The following CSMD1 variants were observed in gnomAD, a reference collection of about 807,000 sequenced individuals.
CSMD1 encodes CUB and sushi domain-containing protein 1.
In CSMD1, 213 loss-of-function variants were observed where a neutral mutation model predicts 417.5. The observed-to-expected ratio is 0.51, with a 90% CI of 0.46 to 0.57. The LOEUF is 0.57. CSMD1 is among the 20% of genes least tolerant of loss of function. CSMD1 has a pLI of 0.00. For synonymous variants in CSMD1, 2,862 were observed against 1,736.8 expected, an observed-to-expected ratio of 1.65 and a Z score of -16.11; for missense variants, 6,923 against 4,529.7, an observed-to-expected ratio of 1.53 and a Z score of -15.17.
rs77735325 is a variant in CSMD1 at position 4,771,368 on chromosome 8, T to C, written c.86-133810A>G. The stretch of plus-strand genomic sequence containing the variant: ...AAAAAGAACACCAGGCTTTGGGCCC[T>C]CTTCAGGGAAATTGCATTGCTACTG... On this transcript the variant is annotated intron_variant, in intron 1 of 69. Coordinates refer to ENST00000635120, the MANE Select transcript of CSMD1 (RefSeq NM_033225.6). Among the ~76,000 whole-genome samples, 1,263 of 152,356 alleles carry C rather than the reference T, an allele frequency of 8.3e-3. 5 individuals carry two copies. The highest frequency in any genetic ancestry group is 0.013 in the Non-Finnish European group (916 of 68,028).
intron 5 of CSMD1, among the ~76,000 whole-genome samples, chr8:3,766,215 G>A (rs553747575): frequency 3.0e-4 from 46 of 152,274 alleles, no homozygotes; most frequent in Admixed American, 7.2e-4. Flanking sequence ...ACAGTGGTGC[G>A]CTTTCTTCTG....
chr8:3,473,891 A>C (rs1817251350), intron 11 of CSMD1, among the ~76,000 whole-genome samples: 1 of 152,134 alleles, frequency 6.6e-6, no homozygotes, highest in South Asian at 2.1e-4. Flanking sequence ...ATCATGGTAG[A>C]GGGTGAAAGG....
chr8:3,832,833 G>A (rs1384143870), intron 5 of CSMD1, among the ~76,000 whole-genome samples: 1 of 152,082 alleles, frequency 6.6e-6, no homozygotes. Flanking sequence ...AAATCAATTT[G>A]TATGGTTATA....
chr8:4,091,780 T>C (rs561759145), intron 3 of CSMD1, among the ~76,000 whole-genome samples: 3 of 152,312 alleles, frequency 2.0e-5, no homozygotes, highest in East Asian at 3.9e-4. Flanking sequence ...CTTTAAGTTG[T>C]AGTCACAAGG....
At chr8:3,963,081 C>A (rs1454532414) in intron 5 of CSMD1, among the ~76,000 whole-genome samples, 1 of 152,082 alleles carries the variant, frequency 6.6e-6, no homozygotes, top group Admixed American at 6.6e-5. Flanking sequence ...CAGGTATGCA[C>A]AACCACGTCT....
At chr8:3,746,258 G>A (rs1174966397) in intron 6 of CSMD1, among the ~76,000 whole-genome samples, 1 of 152,190 alleles carries the variant, frequency 6.6e-6, no homozygotes, top group Non-Finnish European at 1.5e-5. Flanking sequence ...TAAACTGCGG[G>A]AAAACAATTT....
At chr8:4,119,100 G>C (rs1460949879) in intron 3 of CSMD1, among the ~76,000 whole-genome samples, 2 of 152,080 alleles carry the variant, frequency 1.3e-5, no homozygotes, top group African/African-American at 4.8e-5. Flanking sequence ...AGTGGGTGGG[G>C]ACAAGAGAAG....
At chr8:4,433,259 C>A (rs563180799) in intron 2 of CSMD1, among the ~76,000 whole-genome samples, 1 of 151,986 alleles carries the variant, frequency 6.6e-6, no homozygotes, top group African/African-American at 2.4e-5. Flanking sequence ...TTTGAATGAC[C>A]CCGAAACCAT....
intron 5 of CSMD1, among the ~76,000 whole-genome samples, chr8:3,952,041 T>C (rs761826660): frequency 1.2e-4 from 18 of 152,332 alleles, no homozygotes; most frequent in Non-Finnish European, 1.9e-4. Flanking sequence ...GATACTGACC[T>C]AGGTAAATAA....
intron 1 of CSMD1, among the ~76,000 whole-genome samples, chr8:4,750,808 T>G (rs890853218): frequency 6.6e-6 from 1 of 152,118 alleles, no homozygotes; most frequent in African/African-American, 2.4e-5. Flanking sequence ...TGCTTTTTTA[T>G]GCTTGTTTCA....
At chr8:3,149,757 T>C (rs1349033113) in intron 40 of CSMD1, among the ~76,000 whole-genome samples, 2 of 152,192 alleles carry the variant, frequency 1.3e-5, no homozygotes, top group African/African-American at 4.8e-5. Flanking sequence ...TTATTATAAT[T>C]AACCCTCACC....
At chr8:3,306,116 T>C (rs1211745874) in intron 25 of CSMD1, among the ~76,000 whole-genome samples, 1 of 152,136 alleles carries the variant, frequency 6.6e-6, no homozygotes, top group Admixed American at 6.5e-5. Context: ...AATATGCATT[T>C]TCCTCACTCC....
At chr8:4,131,806 A>G (rs1370206198) in intron 3 of CSMD1, among the ~76,000 whole-genome samples, 1 of 114,254 alleles carries the variant, frequency 8.8e-6, no homozygotes, top group Admixed American at 1.4e-4. Flanking sequence ...TCTGTCACCC[A>G]GGCTGGACTG....
intron 7 of CSMD1, among the ~76,000 whole-genome samples, chr8:3,619,489 G>T (rs1302541123): frequency 1.3e-5 from 2 of 152,106 alleles, no homozygotes; most frequent in East Asian, 3.9e-4. Flanking sequence ...ATATGCATCA[G>T]ACTTGCTAGA....
At chr8:3,905,666 T>C (rs1808060985) in intron 5 of CSMD1, among the ~76,000 whole-genome samples, 1 of 152,184 alleles carries the variant, frequency 6.6e-6, no homozygotes, top group Non-Finnish European at 1.5e-5. Context: ...ATACTGCCAG[T>C]CCAGGAACCA....
At chr8:3,965,954 G>A (rs1334545598) in intron 5 of CSMD1, among the ~76,000 whole-genome samples, 1 of 152,126 alleles carries the variant, frequency 6.6e-6, no homozygotes, top group Non-Finnish European at 1.5e-5. Context: ...AACTGTCAAG[G>A]TCTTTTGAGA....
chr8:3,055,509 C>T (rs953647753), intron 49 of CSMD1, among the ~76,000 whole-genome samples: 3 of 152,170 alleles, frequency 2.0e-5, no homozygotes, highest in African/African-American at 7.2e-5. Flanking sequence ...AGACAGTTTC[C>T]TGCTCAAGTT....
intron 5 of CSMD1, among the ~76,000 whole-genome samples, chr8:3,885,799 A>C (rs762735096): frequency 6.6e-6 from 1 of 152,172 alleles, no homozygotes; most frequent in Non-Finnish European, 1.5e-5. Flanking sequence ...TGACTTTCTT[A>C]AACAATCAGT....
intron 3 of CSMD1, among the ~76,000 whole-genome samples, chr8:4,070,420 G>A (rs912116940): frequency 6.6e-6 from 1 of 151,544 alleles, no homozygotes; most frequent in African/African-American, 2.4e-5. Flanking sequence ...TGCAGTGGTG[G>A]GATCTCGGCT....
Sources: allele counts gnomAD v4.1 joint callset (sites outside exome capture counted in the v4.1 genomes callset), GRCh38; gene constraint gnomAD v4.1.1; transcripts MANE v1.5; gene names NCBI Gene and HGNC (gene_info 2026-07-23, HGNC 2026-07-21).